Variants in DCLK2 observed in about 807,000 individuals in gnomAD.
The protein encoded by DCLK2 is serine/threonine-protein kinase DCLK2.
A neutral mutation model predicts 78.4 loss-of-function variants in DCLK2; 31 were observed. The observed-to-expected ratio is 0.40, with a 90% CI of 0.30 to 0.53. DCLK2 has a LOEUF of 0.53. DCLK2 is among the 20% of genes least tolerant of loss of function. DCLK2 has a pLI of 0.61. For missense variants in DCLK2, 872 were observed against 973.7 expected, an observed-to-expected ratio of 0.90 and a Z score of 1.39; for synonymous variants, 407 against 374.9, an observed-to-expected ratio of 1.09 and a Z score of -0.99.
At chr4:150,147,708 C>A (rs1734584621) in intron 2 of DCLK2, among the ~76,000 whole-genome samples, 1 of 152,172 alleles carries the variant, frequency 6.6e-6, no homozygotes, top group Admixed American at 6.5e-5. Context: ...GAAAGTTGCC[C>A]TGCCTGTGGA....
At chr4:150,186,634 T>G (rs1286484812) in intron 2 of DCLK2, among the ~76,000 whole-genome samples, 1 of 152,228 alleles carries the variant, frequency 6.6e-6, no homozygotes, top group Non-Finnish European at 1.5e-5. Flanking sequence ...CATTCCTTGG[T>G]GAGAGTTACT....
At chr4:150,196,982 C>T (rs1381059685) in intron 3 of DCLK2, among the ~76,000 whole-genome samples, 1 of 152,000 alleles carries the variant, frequency 6.6e-6, no homozygotes, top group Non-Finnish European at 1.5e-5. Context: ...GGTGAAAACC[C>T]GTCTCTACTA....
At chr4:150,191,699 C>T (rs1738467334) in intron 2 of DCLK2, among the ~76,000 whole-genome samples, 1 of 152,226 alleles carries the variant, frequency 6.6e-6, no homozygotes, top group South Asian at 2.1e-4. Flanking sequence ...TTGGAACAAA[C>T]AGGCAGTCTC....
At chr4:150,236,255 A>G (rs1223292508) in intron 10 of DCLK2, among the ~76,000 whole-genome samples, 1 of 152,150 alleles carries the variant, frequency 6.6e-6, no homozygotes, top group African/African-American at 2.4e-5. Flanking sequence ...GTTTAAATTC[A>G]CTCAAAATCT....
chr4:150,190,706 C>T (rs1021512566), intron 2 of DCLK2, among the ~76,000 whole-genome samples: 11 of 152,088 alleles, frequency 7.2e-5, no homozygotes, highest in African/African-American at 2.7e-4. Flanking sequence ...TGAAAATATT[C>T]AAAGTAAATT....
At chr4:150,210,948 CAAA>C (rs1406606300) in intron 5 of DCLK2, among the ~76,000 whole-genome samples, 1 of 80,422 alleles carries the variant, frequency 1.2e-5, no homozygotes, top group Admixed American at 1.3e-4. Flanking sequence ...GACTCTGTCT[CAAA>C]AAAAAAAAAA....
At position 150,195,393 on chromosome 4, in the gene DCLK2, TATA is replaced by T. The variant is rs1204529291; in HGVS notation, c.859+2157_859+2159del. The stretch of plus-strand genomic sequence containing the variant: ...ATAATATTATATAATATATATATTA[TATA>T]ATATTATATATTATATATATTATAT... On this transcript the variant is annotated intron_variant, in intron 3 of 15. Coordinates refer to ENST00000296550, the MANE Select transcript of DCLK2 (RefSeq NM_001040260.4). Among the ~76,000 whole-genome samples the T allele has an allele frequency of 2.5e-4, 2 of 7,898 alleles. 1 individual carries two copies. The highest frequency in any genetic ancestry group is 5.2e-4 in the Non-Finnish European group (2 of 3,846). 5.2% of individuals were successfully genotyped at this position (7,898 alleles called of 152,430 possible).
At chr4:150,140,957 A>G (rs1258157586) in intron 2 of DCLK2, among the ~76,000 whole-genome samples, 1 of 152,316 alleles carries the variant, frequency 6.6e-6, no homozygotes, top group South Asian at 2.1e-4. Context: ...AGCCAGGGGA[A>G]AGAATAATGC....
At position 150,232,373 on chromosome 4, in the gene DCLK2, C is replaced by T. The variant is rs1318357722; in HGVS notation, c.1336C>T (p.Arg446Ter). The part of the protein sequence containing the change: ...LIENEVSILR[R>*]VKHPNIIMLV... ...TGAGAATGAAGTGTCAATACTGCGC[C>T]GAGTGAAACATCCCAATATCATTAT... The change falls in exon 9 of 16, where the codon CGA becomes TGA. Residue 446 changes from arginine (R) to a stop codon, truncating the protein, a stop_gained. Transcript: ENST00000296550. LOFTEE classifies it high-confidence loss of function. The T allele has an allele frequency of 3.1e-6, 5 of 1,613,976 alleles. No individual in the cohort carries two copies. Among genetic ancestry groups the T allele is most frequent in the African/African-American group, 1.3e-5 (1 of 74,902 alleles).
At position 150,102,815 on chromosome 4, in the gene DCLK2, A is replaced by G. The variant is rs1419728103; in HGVS notation, c.756+3A>G. 1 of 1,594,924 alleles carries G rather than the reference A, an allele frequency of 6.3e-7. No homozygotes were observed. Among genetic ancestry groups the G allele is most frequent in the Non-Finnish European group, 8.5e-7 (1 of 1,171,568 alleles). ...TCTGCACCCTGGATGGAAAGCAGGTAAGATGCTTCTAGCTCCCAGCTCTCC... is the reference window on the plus strand; with the variant it reads ...TCTGCACCCTGGATGGAAAGCAGGTGAGATGCTTCTAGCTCCCAGCTCTCC... On this transcript the variant is annotated splice_donor_region_variant and intron_variant, in intron 2 of 15. Transcript: ENST00000296550.
intron 15 of DCLK2, among the ~76,000 whole-genome samples, chr4:150,252,558 T>C (rs1276801354): frequency 6.6e-6 from 1 of 152,356 alleles, no homozygotes; most frequent in East Asian, 1.9e-4. Context: ...AATGATTAGC[T>C]GTTCTACAGG....
intron 7 of DCLK2, among the ~76,000 whole-genome samples, chr4:150,223,304 G>A (rs1450954201): frequency 2.0e-5 from 3 of 152,208 alleles, no homozygotes; most frequent in Non-Finnish European, 1.5e-5. Context: ...CCTCATGAGT[G>A]TGTACTACAA....
intron 1 of DCLK2, among the ~76,000 whole-genome samples, chr4:150,093,102 C>T (rs953543966): frequency 6.6e-6 from 1 of 152,154 alleles, no homozygotes; most frequent in African/African-American, 2.4e-5. Flanking sequence ...ACAAAATCAT[C>T]ATACACAAAT....
chr4:150,133,546 A>G (rs1456429511), intron 2 of DCLK2, among the ~76,000 whole-genome samples: 1 of 152,236 alleles, frequency 6.6e-6, no homozygotes, highest in East Asian at 1.9e-4. Flanking sequence ...AAGGGATGAT[A>G]TAGCAGGATA....
At chr4:150,232,485 C>A (rs1349311254) in intron 9 of DCLK2, 29 bp downstream of exon 9, 6 of 1,608,486 alleles carry the variant, frequency 3.7e-6, no homozygotes, top group Non-Finnish European at 5.1e-6. Context: ...TTTCTTGGTG[C>A]CTAGTCCCAC....
intron 2 of DCLK2, among the ~76,000 whole-genome samples, chr4:150,182,872 T>C (rs181149500): frequency 1.3e-5 from 2 of 152,338 alleles, no homozygotes; most frequent in African/African-American, 4.8e-5. Flanking sequence ...TATTTTGTTT[T>C]TTTAACTACT....
intron 13 of DCLK2, 109 bp from the exon 14 acceptor site, chr4:150,248,196 T>A (rs1419944795): frequency 2.4e-6 from 2 of 850,442 alleles, no homozygotes; most frequent in African/African-American, 1.7e-5. Flanking sequence ...AGTTAGCAGC[T>A]GTGCTGGCTC....
chr4:150,219,258 C>CTTT lies in DCLK2; in HGVS notation c.1057-1420_1057-1418dup, dbSNP rs375592229. 4.3e-4 allele frequency among the ~76,000 whole-genome samples: 31 copies of CTTT among 72,126 alleles called. 1 individual carries two copies. Among genetic ancestry groups the CTTT allele is most frequent in the African/African-American group, 1.2e-3 (23 of 19,006 alleles). The allele number at this position is 72,126 out of a possible 152,430, so 47.3% of individuals were successfully genotyped here. A position where few individuals can be genotyped will look rare whatever the true frequency, so the allele number is the denominator to read the frequency against. Reference sequence around the variant, plus strand: ...TTACATTCAACAGTTCACAAACATTCTTTTTTTTTTTTTTTTTTTTTTTTT... The same window carrying CTTT: ...TTACATTCAACAGTTCACAAACATTCTTTTTTTTTTTTTTTTTTTTTTTTTTTT... On this transcript the variant is annotated intron_variant, in intron 5 of 15. Coordinates refer to ENST00000296550, the MANE Select transcript of DCLK2 (RefSeq NM_001040260.4).
chr4:150,237,808 A>G (rs931002933), intron 10 of DCLK2, among the ~76,000 whole-genome samples: 1 of 152,258 alleles, frequency 6.6e-6, no homozygotes, highest in African/African-American at 2.4e-5. Flanking sequence ...TCAGCAAAAT[A>G]TGAGACAAAG....
Sources: allele counts gnomAD v4.1 joint callset (sites outside exome capture counted in the v4.1 genomes callset), GRCh38; gene constraint gnomAD v4.1.1; transcripts MANE v1.5; gene names NCBI Gene and HGNC (gene_info 2026-07-23, HGNC 2026-07-21).